Variants in POLN observed in about 807,000 individuals in gnomAD.
The protein encoded by POLN is DNA polymerase N.
A neutral mutation model predicts 113.5 loss-of-function variants in POLN; 108 were observed. That is an observed-to-expected ratio of 0.95 (90% CI 0.81 to 1.12). The LOEUF is 1.12. Among genes scored for constraint, POLN ranks in the 50% most tolerant of loss-of-function variants. The pLI is 0.00. For synonymous variants in POLN, 386 were observed against 391.5 expected (o/e 0.99, Z 0.17); for missense variants, 1,097 against 1,077.1 (o/e 1.02, Z -0.26).
chr4:2,170,653 G>T lies in POLN; in HGVS notation c.1554+26C>A, dbSNP rs746646004. Reference sequence around the variant, plus strand: ...TGCAGACATGCTGTCATTCTAAAAAGAAAAAGGATAACTCTGAAACCTTAC... The same window carrying T: ...TGCAGACATGCTGTCATTCTAAAAATAAAAAGGATAACTCTGAAACCTTAC... On this transcript the variant is annotated intron_variant, in intron 13 of 25. Coordinates refer to ENST00000511885, the MANE Select transcript of POLN (RefSeq NM_181808.4). 11 of 1,589,972 alleles carry T rather than the reference G, an allele frequency of 6.9e-6. No homozygotes were observed. The East Asian group carries it at 2.2e-4, about 32-fold the overall frequency.
chr4:2,222,388 C>A (rs140988335), intron 3 of POLN, among the ~76,000 whole-genome samples: 31 of 151,682 alleles, frequency 2.0e-4, no homozygotes, highest in African/African-American at 6.8e-4. Flanking sequence ...ACTTAAAAAA[C>A]AAACAAACAA....
At chr4:2,103,655 A>C (rs1463211789) in intron 19 of POLN, among the ~76,000 whole-genome samples, 2 of 152,214 alleles carry the variant, frequency 1.3e-5, no homozygotes, top group East Asian at 3.8e-4. Context: ...AGCACATTAT[A>C]ATCAGACCGT....
chr4:2,185,903 T>C (rs757513202), intron 7 of POLN, among the ~76,000 whole-genome samples: 51 of 152,268 alleles, frequency 3.3e-4, no homozygotes, highest in Non-Finnish European at 1.9e-4. Flanking sequence ...AAGAGATTAT[T>C]GGTAATAGAG....
At chr4:2,170,605 T>G in intron 13 of POLN, 74 bp downstream of exon 13, 2 of 1,309,636 alleles carry the variant, frequency 1.5e-6, no homozygotes, top group Admixed American at 1.9e-5. Context: ...CTCGGGTGGG[T>G]CTGAAGGTCA....
intron 20 of POLN, chr4:2,089,516 A>G: frequency 5.4e-6 from 7 of 1,303,042 alleles, no homozygotes; most frequent in Non-Finnish European, 7.5e-6. Flanking sequence ...GAAAACTGCA[A>G]ATTATCATTT....
chr4:2,144,232 C>T (rs974307256), intron 16 of POLN, among the ~76,000 whole-genome samples: 3 of 150,806 alleles, frequency 2.0e-5, no homozygotes, highest in African/African-American at 7.3e-5. Context: ...ACAACCTCCA[C>T]CTCCTGGGTT....
intron 16 of POLN, among the ~76,000 whole-genome samples, chr4:2,138,363 T>C (rs11940893): frequency 0.097 from 14,811 of 152,174 alleles, 1,394 homozygotes; most frequent in African/African-American, 0.25. Flanking sequence ...GGATTGGAGC[T>C]GTGGAGCTGG....
chr4:2,085,474 T>C (rs1730524876), intron 21 of POLN, 139 bp downstream of exon 21: 1 of 1,094,166 alleles, frequency 9.1e-7, no homozygotes, highest in Non-Finnish European at 1.3e-6. Flanking sequence ...ATTTGTCCAA[T>C]AAGAGCTGAG....
intron 7 of POLN, among the ~76,000 whole-genome samples, chr4:2,181,802 C>T (rs1733148983): frequency 6.6e-6 from 1 of 152,008 alleles, no homozygotes; most frequent in Non-Finnish European, 1.5e-5. Flanking sequence ...AGATTGAGCC[C>T]ATCTTGGCTA....
intron 17 of POLN, among the ~76,000 whole-genome samples, chr4:2,130,305 G>A (rs1731693578): frequency 6.8e-6 from 1 of 146,980 alleles, no homozygotes; most frequent in Non-Finnish European, 1.5e-5. Flanking sequence ...GGGAGGGGAG[G>A]GGAGGGGAGG....
At chr4:2,238,890 C>G in intron 2 of POLN, 1 of 1,613,116 alleles carries the variant, frequency 6.2e-7, no homozygotes, top group East Asian at 2.2e-5. Context: ...AGATCAAAAT[C>G]TCCCTTTACC....
At chr4:2,165,436 T>C (rs927273623) in intron 13 of POLN, among the ~76,000 whole-genome samples, 3 of 152,134 alleles carry the variant, frequency 2.0e-5, no homozygotes, top group Non-Finnish European at 4.4e-5. Context: ...GAGGGAGGAA[T>C]AGGCAGAGCA....
At chr4:2,231,899 G>A (rs555496567) in intron 2 of POLN, 61 of 953,142 alleles carry the variant, frequency 6.4e-5, no homozygotes, top group South Asian at 6.1e-4. Flanking sequence ...AAGAGGACAC[G>A]TAATAAAGAT....
At chr4:2,159,126 A>C (rs770868019) in intron 14 of POLN, 29 bp downstream of exon 14, 8 of 1,533,352 alleles carry the variant, frequency 5.2e-6, no homozygotes, top group Non-Finnish European at 7.2e-6. Context: ...ATCACCTTTT[A>C]CCTTTTACGT....
chr4:2,134,528 T>C (rs535001115), intron 16 of POLN, among the ~76,000 whole-genome samples: 17 of 152,326 alleles, frequency 1.1e-4, no homozygotes, highest in Non-Finnish European at 1.8e-4. Flanking sequence ...TTTTTGTTTG[T>C]TTGTTTGTTT....
intron 16 of POLN, among the ~76,000 whole-genome samples, chr4:2,134,326 G>A (rs1194545254): frequency 3.3e-5 from 5 of 152,206 alleles, no homozygotes; most frequent in Non-Finnish European, 7.3e-5. Context: ...AAGCATTTGT[G>A]TGCAGGTTCT....
At chr4:2,176,093 T>C (rs879586422) in intron 9 of POLN, among the ~76,000 whole-genome samples, 173 bp downstream of exon 9, 2 of 152,256 alleles carry the variant, frequency 1.3e-5, no homozygotes, top group Non-Finnish European at 2.9e-5. Flanking sequence ...TTTTTAAAAC[T>C]TCAGTTCTTA....
At chr4:2,143,863 C>G (rs1311672268) in intron 16 of POLN, among the ~76,000 whole-genome samples, 4 of 152,010 alleles carry the variant, frequency 2.6e-5, no homozygotes, top group African/African-American at 9.7e-5. Flanking sequence ...AAAATAAAGA[C>G]AAGTACACAC....
At chr4:2,218,233 AC>A (rs1488153039) in intron 3 of POLN, among the ~76,000 whole-genome samples, 1 of 149,434 alleles carries the variant, frequency 6.7e-6, no homozygotes, top group Non-Finnish European at 1.5e-5. Flanking sequence ...GGAGTTCGAG[AC>A]CACCCTGACC....
Sources: gnomAD v4.1 joint callset for allele counts (sites outside exome capture counted in the v4.1 genomes callset) on GRCh38, gnomAD v4.1.1 for gene constraint, MANE v1.5 for transcripts, NCBI Gene and HGNC (gene_info 2026-07-23, HGNC 2026-07-21) for gene names.